The following PPM1L variants were observed in gnomAD, a reference collection of about 807,000 sequenced individuals.
The protein encoded by PPM1L is protein phosphatase, Mg2+/Mn2+ dependent 1L, also known as protein phosphatase 1L.
In PPM1L, 13 loss-of-function variants were observed where a neutral mutation model predicts 31.4. That is an observed-to-expected ratio of 0.41 (90% confidence interval 0.27 to 0.66). The LOEUF is 0.66. Ranked by LOEUF, PPM1L falls within the 30% of genes least tolerant of loss-of-function variation. PPM1L has a pLI of 0.29. For missense variants in PPM1L, 326 were observed against 453.7 expected, an observed-to-expected ratio of 0.72 and a Z score of 2.56; for synonymous variants, 184 against 175.4, an observed-to-expected ratio of 1.05 and a Z score of -0.39.
intron 1 of PPM1L, among the ~76,000 whole-genome samples, chr3:160,764,301 C>CT (rs1715047422): frequency 6.6e-6 from 1 of 151,518 alleles, no homozygotes; most frequent in Non-Finnish European, 1.5e-5. Flanking sequence ...CCAGCTTCAC[C>CT]TTTTTTAAAA....
At position 161,036,624 on chromosome 3, in the gene PPM1L, G is replaced by A. The variant is rs145565294; in HGVS notation, c.575-28779G>A. 7.9e-4 allele frequency among the ~76,000 whole-genome samples: 120 copies of A among 152,238 alleles called. 1 individual carries two copies. The highest frequency in any genetic ancestry group is 2.3e-3 in the African/African-American group (96 of 41,542). On this transcript the variant is annotated intron_variant, in intron 2 of 3. Coordinates refer to ENST00000498165, the MANE Select transcript of PPM1L (RefSeq NM_139245.4). ...AGAGTTTGGTTCTTAACCCAGGCCC[G>A]GTGCCATTCAAGACACTGCAGAACA...
intron 1 of PPM1L, among the ~76,000 whole-genome samples, chr3:160,917,403 T>C (rs1364725000): frequency 6.6e-6 from 1 of 152,200 alleles, no homozygotes; most frequent in African/African-American, 2.4e-5. Context: ...TTGTTGACTT[T>C]CCAGGACTTG....
At chr3:160,877,670 C>T (rs546942226) in intron 1 of PPM1L, among the ~76,000 whole-genome samples, 12 of 152,204 alleles carry the variant, frequency 7.9e-5, no homozygotes, top group South Asian at 4.2e-4. Context: ...GTGGGACTTC[C>T]GGTCCAAAGT....
intron 1 of PPM1L, among the ~76,000 whole-genome samples, chr3:160,876,038 A>C (rs1441666005): frequency 6.6e-6 from 1 of 152,228 alleles, no homozygotes; most frequent in East Asian, 1.9e-4. Context: ...CAAATCTATT[A>C]GGAAGAATAT....
intron 1 of PPM1L, among the ~76,000 whole-genome samples, chr3:160,799,369 A>G (rs962256600): frequency 1.1e-4 from 16 of 152,212 alleles, no homozygotes; most frequent in African/African-American, 3.9e-4. Flanking sequence ...AGCTTTCAGC[A>G]ATCACCACCT....
chr3:160,927,087 A>G (rs1714620988), intron 1 of PPM1L, among the ~76,000 whole-genome samples: 2 of 152,194 alleles, frequency 1.3e-5, no homozygotes, highest in African/African-American at 4.8e-5. Context: ...CTGAAAGACA[A>G]TGGGATAGGA....
At chr3:160,797,485 T>C (rs1459832472) in intron 1 of PPM1L, among the ~76,000 whole-genome samples, 1 of 152,180 alleles carries the variant, frequency 6.6e-6, no homozygotes, top group Non-Finnish European at 1.5e-5. Context: ...GAATCCCACG[T>C]CTCTCACTTT....
intron 2 of PPM1L, among the ~76,000 whole-genome samples, chr3:161,061,241 T>C (rs79105080): frequency 0.038 from 5,778 of 151,110 alleles, 358 homozygotes; most frequent in African/African-American, 0.13. Flanking sequence ...TCACCCAGGA[T>C]AGGGGCAGGT....
chr3:160,839,317 A>T (rs1560121867), intron 1 of PPM1L, among the ~76,000 whole-genome samples: 9 of 152,064 alleles, frequency 5.9e-5, no homozygotes, highest in Non-Finnish European at 1.5e-5. Context: ...TTTCTAGTAC[A>T]TTTTTTCCCA....
At chr3:160,822,164 T>C (rs1174134676) in intron 1 of PPM1L, among the ~76,000 whole-genome samples, 19 of 152,246 alleles carry the variant, frequency 1.2e-4, no homozygotes, top group Non-Finnish European at 7.4e-5. Flanking sequence ...TTACCCAACA[T>C]AATTGTCATT....
At chr3:161,062,230 T>C (rs1359794250) in intron 2 of PPM1L, among the ~76,000 whole-genome samples, 1 of 152,152 alleles carries the variant, frequency 6.6e-6, no homozygotes, top group Non-Finnish European at 1.5e-5. Context: ...CATCTAGATA[T>C]ACGGGTATTA....
chr3:160,886,991 A>G (rs1038870757), intron 1 of PPM1L, among the ~76,000 whole-genome samples: 11 of 152,102 alleles, frequency 7.2e-5, no homozygotes, highest in African/African-American at 2.7e-4. Context: ...GCTAACTAGA[A>G]TAACCAGTTT....
At chr3:160,981,609 G>A (rs1383327859) in intron 2 of PPM1L, among the ~76,000 whole-genome samples, 1 of 152,090 alleles carries the variant, frequency 6.6e-6, no homozygotes, top group Admixed American at 6.5e-5. Context: ...ATGAATACTA[G>A]GAGATGGAGA....
At chr3:161,005,569 G>A (rs79996246) in intron 2 of PPM1L, among the ~76,000 whole-genome samples, 2,823 of 152,198 alleles carry the variant, frequency 0.019, 78 homozygotes, top group African/African-American at 0.063. Context: ...CCTTGCCTGC[G>A]TTTAAATTCT....
At chr3:160,807,093 A>C (rs982254773) in intron 1 of PPM1L, among the ~76,000 whole-genome samples, 3 of 152,196 alleles carry the variant, frequency 2.0e-5, no homozygotes, top group African/African-American at 7.2e-5. Context: ...TGTGCAGCCA[A>C]AGTTGAGAGC....
chr3:161,007,125 GA>G (rs949097728), intron 2 of PPM1L, among the ~76,000 whole-genome samples: 1 of 152,174 alleles, frequency 6.6e-6, no homozygotes, highest in African/African-American at 2.4e-5. Context: ...ATTTAGCAGT[GA>G]ACAGAATTCC....
At chr3:160,785,849 T>A (rs1197914355) in intron 1 of PPM1L, among the ~76,000 whole-genome samples, 1 of 150,340 alleles carries the variant, frequency 6.7e-6, no homozygotes. Flanking sequence ...TTTTTTTTTT[T>A]ACATATGTCT....
At chr3:161,042,511 G>A (rs1718941160) in intron 2 of PPM1L, among the ~76,000 whole-genome samples, 1 of 152,138 alleles carries the variant, frequency 6.6e-6, no homozygotes, top group African/African-American at 2.4e-5. Flanking sequence ...ACCAACTCAG[G>A]AAACCACCTG....
intron 1 of PPM1L, among the ~76,000 whole-genome samples, chr3:160,808,289 C>CTG (rs10545216): frequency 0.034 from 4,623 of 136,034 alleles, 100 homozygotes; most frequent in East Asian, 0.05. Flanking sequence ...GGATTTTCCT[C>CTG]TGTGTGTGTG....
Sources: gnomAD v4.1 joint callset for allele counts (sites outside exome capture counted in the v4.1 genomes callset) on GRCh38, gnomAD v4.1.1 for gene constraint, MANE v1.5 for transcripts, NCBI Gene and HGNC (gene_info 2026-07-23, HGNC 2026-07-21) for gene names.